Variants in TICAM1 observed in about 807,000 individuals in gnomAD.
TICAM1 encodes TIR domain-containing adapter molecule 1.
For synonymous variants in TICAM1, 439 were observed against 415.4 expected (o/e 1.06, Z -0.69); for missense variants, 895 against 938.2 (o/e 0.95, Z 0.60).
At chr19:4,819,483 C>T (rs1599144330) in intron 1 of TICAM1, among the ~76,000 whole-genome samples, 1 of 152,180 alleles carries the variant, frequency 6.6e-6, no homozygotes, top group Non-Finnish European at 1.5e-5. Flanking sequence ...TAATGGCATA[C>T]ACTTACAGAC....
chr19:4,821,675 A>C (rs1363106181), intron 1 of TICAM1, among the ~76,000 whole-genome samples: 8 of 138,452 alleles, frequency 5.8e-5, no homozygotes, highest in East Asian at 2.0e-4. Flanking sequence ...ACAGAGTCTC[A>C]CTCTTGTTGC....
chr19:4,824,543 C>T (rs888137337), intron 1 of TICAM1, among the ~76,000 whole-genome samples: 4 of 151,048 alleles, frequency 2.6e-5, no homozygotes, highest in East Asian at 2.0e-4. Context: ...TCATATTGGT[C>T]GGGCTGGTCT....
Position 4,818,274 on chromosome 19 carries a change from G to T in TICAM1, c.104C>A (p.Pro35Gln). 6.2e-7 allele frequency: 1 copy of T among 1,613,022 alleles called. No homozygotes were observed. Among genetic ancestry groups the T allele is most frequent in the Non-Finnish European group, 8.5e-7 (1 of 1,180,018 alleles). ...CAGGAGGTCCTGCCCCTGGCAGCCT[G>T]GGCGTGGGGTCTTCAGTTTGTGCTT... ...YLKHKLKTPRPGCQGQDLLHA... is the reference protein window; with the variant it reads ...YLKHKLKTPRQGCQGQDLLHA... Residue 35 changes from proline (P) to glutamine (Q), a missense_variant, in exon 2 of 2, where the codon CCA becomes CAA. By Grantham distance (76) the Pro-to-Gln change is moderately conservative (BLOSUM62 -1). Transcript: ENST00000248244. The surrounding 1 kb of genome is among the most constrained non-coding windows in gnomAD (Gnocchi z 4.0).
intron 1 of TICAM1, among the ~76,000 whole-genome samples, chr19:4,821,440 A>G (rs1381501103): frequency 6.6e-6 from 1 of 152,112 alleles, no homozygotes; most frequent in Non-Finnish European, 1.5e-5. Flanking sequence ...TACATGCTAT[A>G]TTGTGCTCCC....
chr19:4,824,992 G>GA (rs1323757114), intron 1 of TICAM1, among the ~76,000 whole-genome samples: 3 of 151,300 alleles, frequency 2.0e-5, no homozygotes, highest in Non-Finnish European at 4.4e-5. Context: ...GGAGGAGGGA[G>GA]AGGAGGGTCG....
chr19:4,829,371 A>G (rs924047558), intron 1 of TICAM1, among the ~76,000 whole-genome samples: 9 of 151,736 alleles, frequency 5.9e-5, no homozygotes, highest in African/African-American at 2.2e-4. Flanking sequence ...ACTCAACTCT[A>G]TTTCAGTGAC....
Position 4,817,725 on chromosome 19 carries a change from A to G in TICAM1, c.653T>C (p.Leu218Pro). The G allele has an allele frequency of 6.2e-7, 1 of 1,601,192 alleles. No homozygotes were observed. The highest frequency in any genetic ancestry group is 8.5e-7 in the Non-Finnish European group (1 of 1,176,210). The change falls in exon 2 of 2, where the codon CTC becomes CCC. Residue 218 changes from leucine (L) to proline (P), a missense_variant. Coordinates refer to ENST00000248244, the MANE Select transcript of TICAM1 (RefSeq NM_182919.4). The surrounding 1 kb of genome is among the most constrained non-coding windows in gnomAD (Gnocchi z 4.7). ...EISQSPTMPF[L>P]SLHRSPHGPS... ...CCCATGTGGGCTGCGGTGCAGGCTGAGGAAGGGCATGGTAGGGGACTGGCT... is the reference window on the plus strand; with the variant it reads ...CCCATGTGGGCTGCGGTGCAGGCTGGGGAAGGGCATGGTAGGGGACTGGCT...
At chr19:4,831,465 G>C (rs2093613537) in intron 1 of TICAM1, 149 bp downstream of exon 1, 1 of 152,072 alleles carries the variant, frequency 6.6e-6, no homozygotes. Context: ...CTCCCAACGC[G>C]CGGCGCCAGG....
intron 1 of TICAM1, among the ~76,000 whole-genome samples, chr19:4,822,238 G>A (rs1051370729): frequency 1.1e-4 from 16 of 150,254 alleles, no homozygotes; most frequent in African/African-American, 3.9e-4. Context: ...CCGGCCAATT[G>A]TTTTTTAGTT....
intron 1 of TICAM1, among the ~76,000 whole-genome samples, chr19:4,819,026 G>A (rs1374755737): frequency 6.6e-6 from 1 of 152,116 alleles, no homozygotes; most frequent in African/African-American, 2.4e-5. Context: ...CAGGAGAATC[G>A]CTTGAACACA....
At chr19:4,827,867 C>G (rs1012912356) in intron 1 of TICAM1, among the ~76,000 whole-genome samples, 1 of 152,202 alleles carries the variant, frequency 6.6e-6, no homozygotes, top group Middle Eastern at 3.4e-3. Context: ...CCCCACCCCC[C>G]GTTAAGTTCG....
At chr19:4,829,812 T>C (rs1292093726) in intron 1 of TICAM1, among the ~76,000 whole-genome samples, 1 of 140,152 alleles carries the variant, frequency 7.1e-6, no homozygotes, top group African/African-American at 2.7e-5. Flanking sequence ...TTTCTTTTTT[T>C]TTTTTTTTTT....
In TICAM1 at chr19:4,816,512, G is replaced by A. The variant is rs753498364; in HGVS notation, c.1866C>T (p.Pro622=). Residue 622 remains proline, a synonymous_variant, in exon 2 of 2, where the codon CCC becomes CCT. Coordinates refer to ENST00000248244, the MANE Select transcript of TICAM1 (RefSeq NM_182919.4). The surrounding 1 kb of genome is among the most constrained non-coding windows in gnomAD (Gnocchi z 4.3). The part of the protein sequence containing the change: ...QVPLGAPPPF[P]TWPGCPQPPP... The stretch of plus-strand genomic sequence containing the variant: ...GCGGCTGCGGGCACCCCGGCCAAGT[G>A]GGAAAGGGTGGCGGGGCTCCCAGGG... 3 of 1,590,042 alleles carry A rather than the reference G, an allele frequency of 1.9e-6. No homozygotes were observed. The African/African-American group carries it at 4.0e-5, about 21-fold the overall frequency.
Position 4,817,760 on chromosome 19 carries a change from G to T in TICAM1, c.618C>A (p.Asn206Lys). ...TGGTAGGGGACTGGCTGATTTCCAA[G>T]TTGCTGGCCAGGGAGGCAGGGCTGC... ...STGSPASLAS[N>K]LEISQSPTMP... is the part of the protein sequence containing the mutation. The change falls in exon 2 of 2, where the codon AAC becomes AAA. Residue 206 changes from asparagine (N) to lysine (K), a missense_variant. Transcript: ENST00000248244. This position sits in a 1 kb window ranked among gnomAD's most constrained non-coding sequence, Gnocchi z 4.7. 6.2e-7 allele frequency: 1 copy of T among 1,602,326 alleles called. No homozygotes were observed.
At position 4,816,167 on chromosome 19, in the gene TICAM1, G is replaced by T; in HGVS notation, c.*72C>A. 2 of 1,444,070 alleles carry T rather than the reference G, an allele frequency of 1.4e-6. No individual in the cohort carries two copies. The highest frequency in any genetic ancestry group is 3.2e-5 in the South Asian group (2 of 61,780). The allele number at this position is 1,444,070 out of a possible 1,614,324, so 89.5% of individuals were successfully genotyped here. On this transcript the variant is annotated 3_prime_UTR_variant, in exon 2 of 2. Coordinates refer to ENST00000248244, the MANE Select transcript of TICAM1 (RefSeq NM_182919.4). This position sits in a 1 kb window ranked among gnomAD's most constrained non-coding sequence, Gnocchi z 4.3. ...GTCCACAGGGCACAGGGCAGACCGG[G>T]GTGCTCTATGGGGTCCTGGCCGATG... is the stretch of plus-strand genomic sequence containing the variant.
intron 1 of TICAM1, among the ~76,000 whole-genome samples, chr19:4,830,081 G>A (rs2093611725): frequency 1.2e-5 from 1 of 81,780 alleles, no homozygotes. Context: ...TGAGCCACCT[G>A]CCCAGCCCCA....
rs764782405 is a variant in TICAM1 at position 4,817,103 on chromosome 19, G to A, written c.1275C>T (p.Ala425=). 3.1e-6 allele frequency: 5 copies of A among 1,614,126 alleles called. No homozygotes were observed. In the South Asian group the frequency reaches 3.3e-5, roughly 11 times the overall value. ...KLEALGVPDG[A]TFCEDFQVPG... ...GCACCTGGAAATCCTCGCAGAAGGT[G>A]GCCCCGTCGGGCACGCCAAGGGCCT... The change falls in exon 2 of 2, where the codon GCC becomes GCT. Residue 425 remains alanine, a synonymous_variant. Coordinates refer to ENST00000248244, the MANE Select transcript of TICAM1 (RefSeq NM_182919.4). This position sits in a 1 kb window ranked among gnomAD's most constrained non-coding sequence, Gnocchi z 4.7.
chr19:4,821,358 C>T (rs2093597158), intron 1 of TICAM1, among the ~76,000 whole-genome samples: 1 of 152,064 alleles, frequency 6.6e-6, no homozygotes, highest in Non-Finnish European at 1.5e-5. Context: ...ATATATATTA[C>T]ATACGACAAT....
In TICAM1 at chr19:4,817,833, A is replaced by G. The variant is rs1164466818; in HGVS notation, c.545T>C (p.Ile182Thr). Residue 182 changes from isoleucine to threonine, a missense_variant, in exon 2 of 2, where the codon ATT (isoleucine) becomes ACT (threonine). Ile to Thr is a moderately conservative substitution (Grantham distance 89, BLOSUM62 -1). Transcript: ENST00000248244. This position sits in a 1 kb window ranked among gnomAD's most constrained non-coding sequence, Gnocchi z 4.7. ...TTGGCTCCAGTCCGAAACACCGTCA[A>G]TGGGGCGTGGGAGGCTCCTGGTCCC... ...PSGTRSLPRP[I>T]DGVSDWSQGC... 5 of 1,608,720 alleles carry G rather than the reference A, an allele frequency of 3.1e-6. No homozygotes were observed. Among genetic ancestry groups the G allele is most frequent in the African/African-American group, 1.3e-5 (1 of 74,956 alleles).
Sources: gnomAD v4.1 joint callset for allele counts (sites outside exome capture counted in the v4.1 genomes callset) on GRCh38, gnomAD v4.1.1 for gene constraint, Gnocchi (gnomAD v3.1) non-coding constraint, MANE v1.5 for transcripts, NCBI Gene and HGNC (gene_info 2026-07-23, HGNC 2026-07-21) for gene names.